The following FAM20C variants were observed in gnomAD, a reference collection of about 807,000 sequenced individuals.
The protein encoded by FAM20C is extracellular serine/threonine protein kinase FAM20C.
FAM20C carries 40 observed loss-of-function variants against 51.5 expected under a neutral mutation model. The observed-to-expected ratio is 0.78, with a 90% CI of 0.60 to 1.01. The LOEUF (loss-of-function observed/expected upper bound fraction) is 1.01, where lower values mean the gene tolerates loss of function less well. Ranked by LOEUF, FAM20C falls within the 50% of genes least tolerant of loss-of-function variation. FAM20C has a pLI of 0.00. For synonymous variants in FAM20C, 406 were observed against 380.6 expected (o/e 1.07, Z -0.78); for missense variants, 861 against 844.7 (o/e 1.02, Z -0.24).
Position 195,539 on chromosome 7 carries a change from C to T in FAM20C, c.606-15C>T, listed in dbSNP as rs759481190. 40 of 1,535,434 alleles carry T rather than the reference C, an allele frequency of 2.6e-5. 1 individual carries two copies. The highest frequency in any genetic ancestry group is 2.4e-4 in the South Asian group (19 of 80,794). ...TTCTTTCCATGCTGATGTTCGTCCT[C>T]GCTGCTCCCTGCAGGCCGCATGCGG... On this transcript the variant is annotated splice_polypyrimidine_tract_variant and intron_variant, in intron 1 of 9. Transcript: ENST00000313766.
At position 230,372 on chromosome 7, in the gene FAM20C, T is replaced by TGGGGGGGGGGGG. The variant is rs58866144; in HGVS notation, c.864-16041_864-16030dup. Among the ~76,000 whole-genome samples the TGGGGGGGGGGGG allele has an allele frequency of 2.7e-4, 2 of 7,466 alleles. 1 individual carries two copies. Among genetic ancestry groups the TGGGGGGGGGGGG allele is most frequent in the Non-Finnish European group, 6.6e-4 (2 of 3,028 alleles). 4.9% of individuals were successfully genotyped at this position (7,466 alleles called of 152,430 possible). On this transcript the variant is annotated intron_variant, in intron 3 of 9. Coordinates refer to ENST00000313766, the MANE Select transcript of FAM20C (RefSeq NM_020223.4). ...TGCATTTCTTGTCCCCAGGACGGGG[T>TGGGGGGGGGGGG]GGGGGGGGGGGGGAACAGATCCCCG...
At chr7:203,965 C>T (rs905406658) in intron 2 of FAM20C, among the ~76,000 whole-genome samples, 4 of 152,176 alleles carry the variant, frequency 2.6e-5, no homozygotes, top group East Asian at 1.9e-4. Context: ...ATCGTCACTT[C>T]GTTATTATCT....
At chr7:196,473 C>T (rs997145910) in intron 2 of FAM20C, among the ~76,000 whole-genome samples, 2 of 152,144 alleles carry the variant, frequency 1.3e-5, no homozygotes, top group Admixed American at 6.5e-5. Context: ...GTAGTGAGGG[C>T]GGGGCTGAGG....
chr7:215,275 T>G (rs866147859), intron 3 of FAM20C, among the ~76,000 whole-genome samples: 68 of 37,520 alleles, frequency 1.8e-3, no homozygotes, highest in African/African-American at 5.8e-3. Context: ...TGGAGCTGGG[T>G]GGGGGGAGCA....
intron 3 of FAM20C, among the ~76,000 whole-genome samples, chr7:218,992 C>T (rs1310012687): frequency 5.3e-5 from 8 of 152,246 alleles, no homozygotes; most frequent in Admixed American, 2.0e-4. Flanking sequence ...GTGGCATGGA[C>T]GGGACTTGCT....
intron 3 of FAM20C, among the ~76,000 whole-genome samples, chr7:218,758 G>C (rs182488794): frequency 2.0e-5 from 3 of 152,274 alleles, no homozygotes; most frequent in Non-Finnish European, 4.4e-5. Context: ...GCTGACACAG[G>C]CCCAGGACGC....
intron 3 of FAM20C, among the ~76,000 whole-genome samples, chr7:231,973 G>C (rs1787708016): frequency 6.6e-6 from 1 of 152,210 alleles, no homozygotes; most frequent in Admixed American, 6.5e-5. Context: ...GGTTCCGCCT[G>C]ATGGTTTGCT....
chr7:260,146 A>T lies in FAM20C; in HGVS notation c.*166A>T. The stretch of plus-strand genomic sequence containing the variant: ...AGGCTCCCCAGGTCTCATAGGACAC[A>T]TTTTGTCAGTGTTTGACCAGAAAAG... On this transcript the variant is annotated 3_prime_UTR_variant, in exon 10 of 10. Coordinates refer to ENST00000313766, the MANE Select transcript of FAM20C (RefSeq NM_020223.4). 1.0e-6 allele frequency: 1 copy of T among 954,050 alleles called. No homozygotes were observed. The allele number at this position is 954,050 out of a possible 1,614,324, so 59.1% of individuals were successfully genotyped here. A position where few individuals can be genotyped will look rare whatever the true frequency, so the allele number is the denominator to read the frequency against.
chr7:213,748 C>G (rs944104640), intron 3 of FAM20C, among the ~76,000 whole-genome samples: 6 of 152,152 alleles, frequency 3.9e-5, no homozygotes, highest in Admixed American at 6.5e-5. Flanking sequence ...TGTCCGTTTT[C>G]TGCAGCGGCT....
intron 1 of FAM20C, among the ~76,000 whole-genome samples, chr7:194,418 C>T (rs1445736612): frequency 1.3e-5 from 2 of 151,094 alleles, no homozygotes; most frequent in East Asian, 2.0e-4. Context: ...CCCCACCCCC[C>T]GGCCCCTCCC....
intron 3 of FAM20C, among the ~76,000 whole-genome samples, chr7:231,620 A>G (rs1161166493): frequency 6.6e-6 from 1 of 152,192 alleles, no homozygotes; most frequent in East Asian, 1.9e-4. Context: ...GGTAAGCCCA[A>G]GTGTGGTCAG....
chr7:234,266 C>G (rs1787785521), intron 3 of FAM20C, among the ~76,000 whole-genome samples: 1 of 152,258 alleles, frequency 6.6e-6, no homozygotes, highest in South Asian at 2.1e-4. Context: ...AGAGCTGCGT[C>G]CTGGGCCTCT....
chr7:241,656 G>A (rs1787950018), intron 3 of FAM20C, among the ~76,000 whole-genome samples: 1 of 152,104 alleles, frequency 6.6e-6, no homozygotes, highest in South Asian at 2.1e-4. Context: ...ATGCACATGT[G>A]CATGAATGTG....
chr7:202,654 T>C (rs1379310793), intron 2 of FAM20C, among the ~76,000 whole-genome samples: 1 of 147,618 alleles, frequency 6.8e-6, no homozygotes, highest in South Asian at 2.2e-4. Context: ...CTGGGTGAGA[T>C]TGCACTGGGG....
intron 3 of FAM20C, among the ~76,000 whole-genome samples, chr7:220,836 G>A (rs552239435): frequency 2.6e-5 from 4 of 152,350 alleles, no homozygotes; most frequent in East Asian, 3.9e-4. Flanking sequence ...CAGCCGTCAC[G>A]CCCTGGGGAG....
chr7:246,894 G>A (rs974267341), intron 4 of FAM20C, among the ~76,000 whole-genome samples: 2 of 152,176 alleles, frequency 1.3e-5, no homozygotes, highest in Non-Finnish European at 2.9e-5. Context: ...CTCTGTCACC[G>A]AGGGAGAGGG....
chr7:234,476 G>A (rs1170992519), intron 3 of FAM20C, among the ~76,000 whole-genome samples: 6 of 152,148 alleles, frequency 3.9e-5, no homozygotes, highest in East Asian at 3.9e-4. Context: ...CAGGGCCGGC[G>A]TGCCAGGACC....
intron 3 of FAM20C, among the ~76,000 whole-genome samples, chr7:210,069 C>T (rs1739690840): frequency 6.6e-6 from 1 of 152,194 alleles, no homozygotes; most frequent in Non-Finnish European, 1.5e-5. Context: ...GGCATCCCCG[C>T]TCACACGCTC....
chr7:195,590 C>G lies in FAM20C; in HGVS notation c.642C>G (p.Ser214=). The change falls in exon 2 of 10, where the codon TCC becomes TCG. Residue 214 remains serine (S), a synonymous_variant. Transcript: ENST00000313766. ...GTGCTGAAGGTGCAGAATTCCTCTC[C>G]CCCGGGGAGGCGGCCGTGGACTCCT... ...HAGAEGAEFL[S]PGEAAVDSYP... is the part of the protein sequence containing the mutation. 1 of 1,599,388 alleles carries G rather than the reference C, an allele frequency of 6.3e-7. No individual in the cohort carries two copies. Among genetic ancestry groups the G allele is most frequent in the South Asian group, 1.1e-5 (1 of 88,962 alleles).
Sources: allele counts gnomAD v4.1 joint callset (sites outside exome capture counted in the v4.1 genomes callset), GRCh38; gene constraint gnomAD v4.1.1; transcripts MANE v1.5; gene names NCBI Gene and HGNC (gene_info 2026-07-23, HGNC 2026-07-21).